PRKCE: variants seen among roughly 807,000 people sequenced by gnomAD.
PRKCE encodes the protein protein kinase C epsilon.
A neutral mutation model predicts 85.4 loss-of-function variants in PRKCE; 16 were observed. The observed-to-expected ratio is 0.19, with a 90% CI of 0.13 to 0.28. The LOEUF (loss-of-function observed/expected upper bound fraction) is 0.28, where lower values mean the gene tolerates loss of function less well. PRKCE is among the 10% of genes least tolerant of loss of function. The pLI is 1.00. For missense variants in PRKCE, 573 were observed against 975.2 expected, an observed-to-expected ratio of 0.59 and a Z score of 5.49; for synonymous variants, 388 against 371.5, an observed-to-expected ratio of 1.04 and a Z score of -0.51.
chr2:45,843,144 G>T, intron 2 of PRKCE, 81 bp downstream of exon 2: 2 of 1,229,550 alleles, frequency 1.6e-6, no homozygotes, highest in Non-Finnish European at 2.4e-6. Context: ...CCCCTTGGCC[G>T]GAACACATTA....
chr2:45,664,977 T>C (rs1370687474), intron 1 of PRKCE, among the ~76,000 whole-genome samples: 1 of 152,262 alleles, frequency 6.6e-6, no homozygotes, highest in Non-Finnish European at 1.5e-5. Context: ...ATTTGGGCAG[T>C]GCACAAAGGT....
At chr2:45,733,950 CAAGGA>C (rs1488713108) in intron 1 of PRKCE, among the ~76,000 whole-genome samples, 2 of 152,186 alleles carry the variant, frequency 1.3e-5, no homozygotes, top group Middle Eastern at 3.2e-3. Context: ...GTCTTAGCTT[CAAGGA>C]AAACCTCCTG....
rs369344530 is a variant in PRKCE, at chr2:46,139,935, AC to A, written c.1593-5157del. 6.6e-6 allele frequency among the ~76,000 whole-genome samples: 1 copy of A among 152,292 alleles called. No individual in the cohort carries two copies. The highest frequency in any genetic ancestry group is 2.4e-5 in the African/African-American group (1 of 41,566). ...AAAAATAGAAAGTAAATGTTCTCTT[AC>A]AAAGGAAGAAAGTGAGAATAGATAT... On this transcript the variant is annotated intron_variant, in intron 11 of 14. Transcript: ENST00000306156. The surrounding 1 kb of genome is among the most constrained non-coding windows in gnomAD (Gnocchi z 5.2).
chr2:45,808,624 C>A (rs183487209), intron 1 of PRKCE, among the ~76,000 whole-genome samples: 1 of 152,302 alleles, frequency 6.6e-6, no homozygotes, highest in East Asian at 1.9e-4. Context: ...AGCCCCCTAC[C>A]GTCTGGCACT....
intron 6 of PRKCE, among the ~76,000 whole-genome samples, chr2:45,997,100 C>T (rs536439512): frequency 3.3e-5 from 5 of 152,228 alleles, no homozygotes; most frequent in Admixed American, 3.3e-4. Flanking sequence ...AAATGATAGG[C>T]ATAATATTCT....
intron 2 of PRKCE, among the ~76,000 whole-genome samples, chr2:45,948,245 C>T (rs994956671): frequency 2.6e-5 from 4 of 152,182 alleles, no homozygotes; most frequent in Non-Finnish European, 4.4e-5. Context: ...GGCACATAGA[C>T]ATACAGAGCC....
chr2:45,986,304 C>G (rs375693222), intron 6 of PRKCE, among the ~76,000 whole-genome samples: 12 of 152,192 alleles, frequency 7.9e-5, no homozygotes, highest in African/African-American at 2.9e-4. Context: ...GGCTAAAGTG[C>G]TAATAGAGGG....
intron 1 of PRKCE, among the ~76,000 whole-genome samples, chr2:45,814,524 CT>C: frequency 6.6e-6 from 1 of 152,126 alleles, no homozygotes; most frequent in East Asian, 1.9e-4. Flanking sequence ...ATCTTTTATG[CT>C]GAAAACCAGG....
chr2:45,867,884 T>C (rs1693734087), intron 2 of PRKCE, among the ~76,000 whole-genome samples: 1 of 152,208 alleles, frequency 6.6e-6, no homozygotes, highest in African/African-American at 2.4e-5. Context: ...TCATCACTTC[T>C]GCAGGACAGC....
chr2:46,126,624 G>A (rs1398105005), intron 11 of PRKCE, among the ~76,000 whole-genome samples: 1 of 152,158 alleles, frequency 6.6e-6, no homozygotes, highest in African/African-American at 2.4e-5. Flanking sequence ...TTTCCCATTT[G>A]AATATCAGAT....
intron 1 of PRKCE, among the ~76,000 whole-genome samples, chr2:45,825,409 T>C (rs1215565918): frequency 6.6e-6 from 1 of 152,220 alleles, no homozygotes. Flanking sequence ...CAAACTGTGT[T>C]AGAGCAACAG....
Position 46,015,819 on chromosome 2 carries a change from C to CT in PRKCE, c.1437+5303dup, listed in dbSNP as rs561807981. On this transcript the variant is annotated intron_variant, in intron 10 of 14. Transcript: ENST00000306156. ...CCGTTGAGGATGGGTCTCTTTCCTG[C>CT]TAGACCATACTGTCTACCTGAGGCA... is the stretch of plus-strand genomic sequence containing the variant. 9.9e-5 allele frequency among the ~76,000 whole-genome samples: 15 copies of CT among 152,026 alleles called. No individual in the cohort carries two copies. In the East Asian group the frequency reaches 2.9e-3, roughly 29 times the overall value.
intron 10 of PRKCE, among the ~76,000 whole-genome samples, chr2:46,040,970 G>A (rs1708184239): frequency 6.6e-6 from 1 of 152,214 alleles, no homozygotes; most frequent in East Asian, 1.9e-4. Context: ...CCAGGAATGA[G>A]AACTTTGTAA....
chr2:45,719,254 G>T (rs1680410514), intron 1 of PRKCE, among the ~76,000 whole-genome samples: 1 of 152,208 alleles, frequency 6.6e-6, no homozygotes, highest in Admixed American at 6.5e-5. Flanking sequence ...TCTTGGAGAT[G>T]ATGTTAATGT....
At chr2:45,871,850 C>A (rs146361823) in intron 2 of PRKCE, among the ~76,000 whole-genome samples, 2 of 152,100 alleles carry the variant, frequency 1.3e-5, no homozygotes, top group East Asian at 1.9e-4. Flanking sequence ...TTACACACTG[C>A]GGAGTTTGAT....
intron 1 of PRKCE, among the ~76,000 whole-genome samples, chr2:45,785,501 A>T (rs865810972): frequency 4.3e-5 from 5 of 116,936 alleles, no homozygotes; most frequent in Admixed American, 1.5e-4. Flanking sequence ...AAAAAAGAAT[A>T]AAAAAAAAAA....
chr2:45,771,948 C>T (rs765159832), intron 1 of PRKCE, among the ~76,000 whole-genome samples: 1 of 152,160 alleles, frequency 6.6e-6, no homozygotes, highest in Non-Finnish European at 1.5e-5. Flanking sequence ...GCCCAAACCA[C>T]AGCCCCCAAC....
At chr2:45,799,359 A>C (rs1042158126) in intron 1 of PRKCE, among the ~76,000 whole-genome samples, 25 of 152,288 alleles carry the variant, frequency 1.6e-4, no homozygotes, top group African/African-American at 6.0e-4. Flanking sequence ...TTGAGTATAT[A>C]TTTAGTAAAT....
chr2:45,977,778 G>A (rs1297807700), intron 3 of PRKCE, among the ~76,000 whole-genome samples: 2 of 152,188 alleles, frequency 1.3e-5, no homozygotes, highest in African/African-American at 2.4e-5. Context: ...AGTGTCAGAA[G>A]TATGATTCTA....
Sources: allele counts gnomAD v4.1 joint callset (sites outside exome capture counted in the v4.1 genomes callset), GRCh38; gene constraint gnomAD v4.1.1; non-coding constraint Gnocchi (gnomAD v3.1); transcripts MANE v1.5; gene names NCBI Gene and HGNC (gene_info 2026-07-23, HGNC 2026-07-21).